Variants in GRM3 observed in about 807,000 individuals in gnomAD.
GRM3 encodes the protein glutamate metabotropic receptor 3, also known as metabotropic glutamate receptor 3.
GRM3 carries 26 observed loss-of-function variants against 70.5 expected under a neutral mutation model. That is an observed-to-expected ratio of 0.37 (90% CI 0.27 to 0.51). GRM3 has a LOEUF of 0.51. Ranked by LOEUF, GRM3 falls within the 20% of genes least tolerant of loss-of-function variation. The pLI is 0.93. For missense variants in GRM3, 859 were observed against 1,123.8 expected (o/e 0.76, Z 3.37); for synonymous variants, 443 against 434.9 (o/e 1.02, Z -0.23).
chr7:86,840,382 C>T (rs1036216356), intron 4 of GRM3, among the ~76,000 whole-genome samples: 2 of 152,100 alleles, frequency 1.3e-5, no homozygotes, highest in African/African-American at 4.8e-5. Context: ...GAAACTTTCA[C>T]TCATGCTTCA....
At chr7:86,746,026 A>T (rs1796094080) in intron 1 of GRM3, among the ~76,000 whole-genome samples, 1 of 152,012 alleles carries the variant, frequency 6.6e-6, no homozygotes, top group Admixed American at 6.6e-5. Flanking sequence ...GGTTCTTGAT[A>T]AGTATTTTGT....
intron 2 of GRM3, among the ~76,000 whole-genome samples, chr7:86,778,829 A>C (rs191821958): frequency 3.3e-5 from 5 of 152,302 alleles, no homozygotes; most frequent in African/African-American, 1.2e-4. Context: ...ATTCAACATA[A>C]TATTGGAAGT....
At chr7:86,667,863 C>T (rs1474555843) in intron 1 of GRM3, among the ~76,000 whole-genome samples, 1 of 152,084 alleles carries the variant, frequency 6.6e-6, no homozygotes. Context: ...AATACAATTA[C>T]CTACCAAACC....
chr7:86,736,729 C>G (rs1795869723), intron 1 of GRM3, among the ~76,000 whole-genome samples: 1 of 152,100 alleles, frequency 6.6e-6, no homozygotes, highest in Non-Finnish European at 1.5e-5. Flanking sequence ...CCGCTCATAT[C>G]CCACTGGTAG....
intron 1 of GRM3, among the ~76,000 whole-genome samples, chr7:86,665,345 A>G (rs148297856): frequency 8.5e-5 from 13 of 152,190 alleles, no homozygotes; most frequent in African/African-American, 2.9e-4. Flanking sequence ...ATGAAAATAT[A>G]AGTATAAAAA....
At chr7:86,808,361 G>T (rs1009894328) in intron 3 of GRM3, among the ~76,000 whole-genome samples, 1 of 152,060 alleles carries the variant, frequency 6.6e-6, no homozygotes, top group African/African-American at 2.4e-5. Flanking sequence ...ATTCAGCTGT[G>T]AATCCGTCTG....
intron 1 of GRM3, among the ~76,000 whole-genome samples, chr7:86,756,610 T>C (rs1339533615): frequency 6.6e-6 from 1 of 152,162 alleles, no homozygotes; most frequent in African/African-American, 2.4e-5. Flanking sequence ...ATGTGCTGCT[T>C]TATTCTGATT....
At chr7:86,771,510 A>G (rs1169918209) in intron 2 of GRM3, among the ~76,000 whole-genome samples, 1 of 152,108 alleles carries the variant, frequency 6.6e-6, no homozygotes, top group Non-Finnish European at 1.5e-5. Context: ...AGCATTTATT[A>G]AGCATGTATA....
intron 1 of GRM3, among the ~76,000 whole-genome samples, chr7:86,758,001 A>G (rs1796389376): frequency 6.6e-6 from 1 of 152,154 alleles, no homozygotes; most frequent in South Asian, 2.1e-4. Context: ...TGTTGGAGCA[A>G]TAATGGTAAC....
intron 1 of GRM3, among the ~76,000 whole-genome samples, chr7:86,667,627 G>A (rs1376055059): frequency 1.3e-5 from 2 of 152,114 alleles, no homozygotes; most frequent in Admixed American, 1.3e-4. Flanking sequence ...GACAGCAAAG[G>A]TAAAACTGAG....
chr7:86,796,779 C>T (rs1797560111), intron 3 of GRM3, among the ~76,000 whole-genome samples: 1 of 152,020 alleles, frequency 6.6e-6, no homozygotes, highest in Admixed American at 6.6e-5. Flanking sequence ...GGCTGTGTCC[C>T]CACCCAAATC....
chr7:86,749,058 T>A (rs1346469502), intron 1 of GRM3, among the ~76,000 whole-genome samples: 1 of 152,110 alleles, frequency 6.6e-6, no homozygotes, highest in Non-Finnish European at 1.5e-5. Flanking sequence ...TGAAAGAAAC[T>A]TTTGTGCTCA....
At chr7:86,645,523 T>A (rs1302763242) in intron 1 of GRM3, among the ~76,000 whole-genome samples, 5 of 152,160 alleles carry the variant, frequency 3.3e-5, no homozygotes, top group Admixed American at 3.3e-4. Flanking sequence ...GTGAGATAAC[T>A]CAGAGAGGGC....
chr7:86,724,190 T>C (rs371333593), intron 1 of GRM3, among the ~76,000 whole-genome samples: 5 of 152,028 alleles, frequency 3.3e-5, no homozygotes, highest in Non-Finnish European at 7.4e-5. Flanking sequence ...TGTAGATAAA[T>C]AGGTTAAATA....
At position 86,816,667 on chromosome 7, in the gene GRM3, A is replaced by G. The variant is rs142524441; in HGVS notation, c.1325-22172A>G. Among the ~76,000 whole-genome samples the G allele has an allele frequency of 1.7e-3, 262 of 151,922 alleles. 2 individuals are homozygous for G. The highest frequency in any genetic ancestry group is 4.3e-4 in the Non-Finnish European group (29 of 67,876). ...GTGTAGTATTCCATTATGTATATGT[A>G]CCACATTTTCTTTATCCAGTCTACT... On this transcript the variant is annotated intron_variant, in intron 3 of 5. Transcript: ENST00000361669.
chr7:86,689,318 C>G, intron 1 of GRM3, among the ~76,000 whole-genome samples: 1 of 151,714 alleles, frequency 6.6e-6, no homozygotes, highest in Non-Finnish European at 1.5e-5. Context: ...TGTGGGGCAG[C>G]GAGCAGTAAA....
intron 2 of GRM3, among the ~76,000 whole-genome samples, chr7:86,768,993 T>G (rs1248569370): frequency 6.6e-6 from 1 of 152,180 alleles, no homozygotes; most frequent in East Asian, 1.9e-4. Context: ...TGTCCTTTAA[T>G]AAGAATTCTA....
At chr7:86,840,995 A>C (rs1275282737) in intron 4 of GRM3, among the ~76,000 whole-genome samples, 1 of 152,148 alleles carries the variant, frequency 6.6e-6, no homozygotes, top group African/African-American at 2.4e-5. Context: ...TGTATTCTTA[A>C]AAATCACTGA....
At chr7:86,838,777 C>A in intron 3 of GRM3, 62 bp from the exon 4 acceptor site, 1 of 840,038 alleles carries the variant, frequency 1.2e-6, no homozygotes, top group Non-Finnish European at 1.9e-6. Context: ...AAGTAATTGA[C>A]TAATCACACG....
Sources: gnomAD v4.1 joint callset for allele counts (sites outside exome capture counted in the v4.1 genomes callset) on GRCh38, gnomAD v4.1.1 for gene constraint, MANE v1.5 for transcripts, NCBI Gene and HGNC (gene_info 2026-07-23, HGNC 2026-07-21) for gene names.